Variants in SRGAP2B observed in about 807,000 individuals in gnomAD.
SRGAP2B encodes the protein SLIT-ROBO Rho GTPase activating protein 2B.
SRGAP2B carries 9 observed loss-of-function variants against 22.2 expected under a neutral mutation model. That is an observed-to-expected ratio of 0.41 (90% CI 0.24 to 0.71). The LOEUF is 0.71. SRGAP2B is among the 30% of genes least tolerant of loss of function. The pLI is 0.35. For synonymous variants in SRGAP2B, 36 were observed against 87.4 expected (o/e 0.41, Z 3.28); for missense variants, 114 against 235.8 (o/e 0.48, Z 3.38).
chr1:144,974,985 G>A (rs1668788640), intron 3 of SRGAP2B, among the ~76,000 whole-genome samples: 1 of 148,602 alleles, frequency 6.7e-6, no homozygotes, highest in African/African-American at 2.6e-5. Flanking sequence ...ACTGGCAAGG[G>A]TCTCAATCCA....
chr1:144,912,138 G>C (rs1284350958), intron 5 of SRGAP2B, among the ~76,000 whole-genome samples: 1 of 147,260 alleles, frequency 6.8e-6, no homozygotes, highest in Admixed American at 6.7e-5. Flanking sequence ...ATTTTTAGTA[G>C]AGACAGGGTT....
intron 4 of SRGAP2B, among the ~76,000 whole-genome samples, chr1:144,915,991 C>CA (rs1329420956): frequency 4.1e-5 from 6 of 145,112 alleles, no homozygotes; most frequent in Admixed American, 1.4e-4. Flanking sequence ...AGCTCCCAGG[C>CA]AAAAAAAGGA....
chr1:144,993,152 C>T (rs587694706), intron 3 of SRGAP2B, among the ~76,000 whole-genome samples: 1 of 150,906 alleles, frequency 6.6e-6, no homozygotes, highest in Non-Finnish European at 1.5e-5. Flanking sequence ...CTGTTTGGCT[C>T]GGGTATAGTG....
chr1:145,001,919 G>C lies in SRGAP2B; in HGVS notation c.68-6719C>G, dbSNP rs1466994254. On this transcript the variant is annotated intron_variant, in intron 2 of 9. Coordinates refer to ENST00000612199, the Ensembl canonical transcript of SRGAP2B. ...TGCCTTTAGTCCCAGCTACTTGGGA[G>C]GCTGAGGTGGGAGGCTTGCTTGAGC... Among the ~76,000 whole-genome samples, 6 of 148,336 alleles carry C rather than the reference G, an allele frequency of 4.0e-5. 1 individual carries two copies. The highest frequency in any genetic ancestry group is 1.5e-4 in the African/African-American group (6 of 38,760).
intron 5 of SRGAP2B, among the ~76,000 whole-genome samples, chr1:144,912,005 C>T (rs1663459311): frequency 7.1e-6 from 1 of 141,260 alleles, no homozygotes; most frequent in Non-Finnish European, 1.5e-5. Context: ...GGCTGGAGTG[C>T]AGTGGCACGA....
At position 144,910,628 on chromosome 1, in the gene SRGAP2B, C is replaced by T. The variant is rs1475933618; in HGVS notation, c.486+4064G>A. ...TTTCTCAATTCTAGAGCTTCCTTGACTCTTCATACTCAGCCAATCCACACT... is the reference window on the plus strand; with the variant it reads ...TTTCTCAATTCTAGAGCTTCCTTGATTCTTCATACTCAGCCAATCCACACT... On this transcript the variant is annotated intron_variant, in intron 5 of 9. Coordinates refer to ENST00000612199, the Ensembl canonical transcript of SRGAP2B. 5.6e-3 allele frequency among the ~76,000 whole-genome samples: 711 copies of T among 127,508 alleles called. 37 individuals are homozygous for T. Among genetic ancestry groups the T allele is most frequent in the African/African-American group, 0.022 (682 of 30,618 alleles). 83.7% of individuals were successfully genotyped at this position (127,508 alleles called of 152,430 possible).
At chr1:145,088,016 C>T (rs1653590174) in intron 2 of SRGAP2B, among the ~76,000 whole-genome samples, 2 of 150,494 alleles carry the variant, frequency 1.3e-5, no homozygotes, top group Admixed American at 1.3e-4. Context: ...GACAGGAGCC[C>T]TCAATCATCT....
intron 1 of SRGAP2B, among the ~76,000 whole-genome samples, chr1:145,093,709 A>G (rs1303910774): frequency 6.7e-6 from 1 of 148,576 alleles, no homozygotes; most frequent in Admixed American, 6.6e-5. Flanking sequence ...CCGGGCGGGG[A>G]ATGCGGCACC....
chr1:144,963,745 G>A (rs192072499), intron 3 of SRGAP2B, among the ~76,000 whole-genome samples: 98 of 152,142 alleles, frequency 6.4e-4, no homozygotes, highest in Admixed American at 3.1e-3. Flanking sequence ...GTGGAATGAC[G>A]TCACTCAGAA....
intron 7 of SRGAP2B, 84 bp downstream of exon 7, chr1:144,905,007 T>G: frequency 3.0e-6 from 2 of 672,356 alleles, no homozygotes; most frequent in South Asian, 3.3e-5. Context: ...ACCAGATTCC[T>G]GAACAATAGT....
intron 2 of SRGAP2B, among the ~76,000 whole-genome samples, chr1:145,001,823 T>C (rs972093): frequency 6.6e-6 from 1 of 150,788 alleles, no homozygotes. Context: ...GAGTTCCAGA[T>C]GAGCCTGGGC....
intron 2 of SRGAP2B, among the ~76,000 whole-genome samples, chr1:145,047,090 C>T (rs1394544842): frequency 5.6e-5 from 8 of 141,664 alleles, no homozygotes; most frequent in Non-Finnish European, 1.2e-4. Flanking sequence ...GCAGGAGAAA[C>T]ACTTGAATCC....
intron 2 of SRGAP2B, among the ~76,000 whole-genome samples, chr1:145,090,166 A>C (rs1653847307): frequency 6.7e-6 from 1 of 148,294 alleles, no homozygotes; most frequent in Admixed American, 6.6e-5. Context: ...CACTCATAAT[A>C]ATTCTGACCC....
intron 3 of SRGAP2B, among the ~76,000 whole-genome samples, chr1:144,987,988 G>A (rs2747597): frequency 6.6e-6 from 1 of 150,620 alleles, no homozygotes; most frequent in Admixed American, 6.6e-5. Context: ...TGAGTTTAAT[G>A]GTGGAAAAAC....
intron 4 of SRGAP2B, among the ~76,000 whole-genome samples, chr1:144,916,135 C>T (rs150377809): frequency 2.0e-5 from 3 of 150,272 alleles, no homozygotes; most frequent in Non-Finnish European, 2.9e-5. Flanking sequence ...AAACTAGAAA[C>T]CTCAAAAAAG....
intron 5 of SRGAP2B, among the ~76,000 whole-genome samples, chr1:144,907,543 A>G (rs1358942101): frequency 1.3e-5 from 2 of 150,278 alleles, no homozygotes; most frequent in East Asian, 1.9e-4. Context: ...GGTTCCGTGT[A>G]TGAACCTGAG....
intron 3 of SRGAP2B, among the ~76,000 whole-genome samples, chr1:144,992,237 T>A (rs1670303693): frequency 6.6e-6 from 1 of 150,494 alleles, no homozygotes; most frequent in African/African-American, 2.5e-5. Flanking sequence ...AGGGACAGAC[T>A]CCAGACACAC....
intron 4 of SRGAP2B, among the ~76,000 whole-genome samples, chr1:144,925,116 C>A (rs1664564990): frequency 1.3e-5 from 2 of 149,134 alleles, no homozygotes; most frequent in Non-Finnish European, 2.9e-5. Flanking sequence ...GATTCCCCTG[C>A]CTCAGCCTCC....
intron 5 of SRGAP2B, among the ~76,000 whole-genome samples, chr1:144,911,533 T>C (rs1455564806): frequency 2.0e-5 from 3 of 147,680 alleles, no homozygotes; most frequent in Non-Finnish European, 4.5e-5. Context: ...GGACAGTTAG[T>C]CACCGTAATC....
Sources: gnomAD v4.1 joint callset for allele counts (sites outside exome capture counted in the v4.1 genomes callset) on GRCh38, gnomAD v4.1.1 for gene constraint, MANE v1.5 for transcripts, NCBI Gene and HGNC (gene_info 2026-07-23, HGNC 2026-07-21) for gene names.